Variants in SLC4A8 observed in about 807,000 individuals in gnomAD.
The protein encoded by SLC4A8 is solute carrier family 4 member 8, also known as electroneutral sodium bicarbonate exchanger 1.
In SLC4A8, 40 loss-of-function variants were observed where a neutral mutation model predicts 125.0. The ratio of observed to expected loss-of-function variants is 0.32; its 90% CI spans 0.25 to 0.42. The LOEUF is 0.42. Ranked by LOEUF, SLC4A8 falls within the 10% of genes least tolerant of loss-of-function variation. SLC4A8 has a pLI of 1.00. For missense variants in SLC4A8, 863 were observed against 1,355.1 expected, an observed-to-expected ratio of 0.64 and a Z score of 5.70; for synonymous variants, 456 against 476.0, an observed-to-expected ratio of 0.96 and a Z score of 0.55.
intron 2 of SLC4A8, among the ~76,000 whole-genome samples, chr12:51,442,347 T>C (rs1397735548): frequency 6.6e-6 from 1 of 152,246 alleles, no homozygotes; most frequent in African/African-American, 2.4e-5. Flanking sequence ...GGCATGTTGC[T>C]GTCAGTTTAG....
intron 22 of SLC4A8, among the ~76,000 whole-genome samples, chr12:51,500,514 T>C (rs1047036714): frequency 6.6e-6 from 1 of 152,158 alleles, no homozygotes; most frequent in African/African-American, 2.4e-5. Flanking sequence ...TTCATGTTTC[T>C]ATTTGTATCA....
rs1322375363 is a variant in SLC4A8 at position 51,510,620 on chromosome 12, T to C, written c.*3182T>C. On this transcript the variant is annotated 3_prime_UTR_variant, in exon 25 of 25. Transcript: ENST00000453097. ...CCGTCTGTAAGATGCAAGATCAATC[T>C]AGTGTTTCAGCCAGTTCACTACTGA... The C allele has an allele frequency of 1.3e-5, 2 of 152,188 alleles. No homozygotes were observed. Among genetic ancestry groups the C allele is most frequent in the Non-Finnish European group, 2.9e-5 (2 of 68,036 alleles). The allele number at this position is 152,188 out of a possible 1,614,324, so 9.4% of individuals were successfully genotyped here. A position where few individuals can be genotyped will look rare whatever the true frequency, so the allele number is the denominator to read the frequency against.
intron 2 of SLC4A8, among the ~76,000 whole-genome samples, chr12:51,447,233 C>G (rs1308728307): frequency 6.6e-6 from 1 of 152,144 alleles, no homozygotes; most frequent in Non-Finnish European, 1.5e-5. Flanking sequence ...TAGGTGCACA[C>G]CACCACACCT....
chr12:51,503,926 TA>T, intron 22 of SLC4A8, 102 bp from the exon 23 acceptor site: 1 of 663,634 alleles, frequency 1.5e-6, no homozygotes. Context: ...TTCTTTATAA[TA>T]AATGCACAAT....
chr12:51,446,150 C>T (rs770778837), intron 2 of SLC4A8, among the ~76,000 whole-genome samples: 22 of 152,170 alleles, frequency 1.4e-4, no homozygotes, highest in Non-Finnish European at 2.8e-4. Context: ...CAGATGACCT[C>T]CTCTGGCTCT....
At chr12:51,397,861 G>A (rs555984609) in intron 1 of SLC4A8, among the ~76,000 whole-genome samples, 1 of 152,194 alleles carries the variant, frequency 6.6e-6, no homozygotes, top group Non-Finnish European at 1.5e-5. Context: ...GTGTCCAGGA[G>A]TTTGAGACCA....
Position 51,511,554 on chromosome 12 carries a change from T to C in SLC4A8, c.*4116T>C, listed in dbSNP as rs1938367704. On this transcript the variant is annotated 3_prime_UTR_variant, in exon 25 of 25. Transcript: ENST00000453097. ...ACAGGTGCGCACCACCATGCCCAGC[T>C]AATTTTTGTATTTTAGTAGAGACGA... The C allele has an allele frequency of 1.3e-5, 2 of 152,222 alleles. No individual in the cohort carries two copies. The highest frequency in any genetic ancestry group is 4.8e-5 in the African/African-American group (2 of 41,436). The allele number at this position is 152,222 out of a possible 1,614,324, so 9.4% of individuals were successfully genotyped here.
At chr12:51,433,690 G>A (rs1475907661) in intron 1 of SLC4A8, among the ~76,000 whole-genome samples, 1 of 152,148 alleles carries the variant, frequency 6.6e-6, no homozygotes, top group East Asian at 1.9e-4. Flanking sequence ...ACAGGCCAAA[G>A]AGACCTGATG....
At chr12:51,439,457 C>G (rs1289285383) in intron 1 of SLC4A8, among the ~76,000 whole-genome samples, 1 of 151,872 alleles carries the variant, frequency 6.6e-6, no homozygotes, top group Non-Finnish European at 1.5e-5. Flanking sequence ...GGAAAGGCTT[C>G]CAAGTAAGTG....
upstream of SLC4A8, among the ~76,000 whole-genome samples, chr12:51,420,925 A>T (rs1303525325): frequency 1.3e-5 from 2 of 152,148 alleles, no homozygotes; most frequent in Non-Finnish European, 2.9e-5. Context: ...TTTCTAATCT[A>T]TACAATGGGA....
At chr12:51,453,973 A>G (rs1421318430) in intron 5 of SLC4A8, among the ~76,000 whole-genome samples, 1 of 152,170 alleles carries the variant, frequency 6.6e-6, no homozygotes, top group Non-Finnish European at 1.5e-5. Flanking sequence ...TATCTGCTAT[A>G]TACTTGATAA....
At chr12:51,474,133 C>G (rs1950793275) in intron 14 of SLC4A8, among the ~76,000 whole-genome samples, 1 of 152,156 alleles carries the variant, frequency 6.6e-6, no homozygotes. Flanking sequence ...ATCCAAGACC[C>G]ATGGGCTGAT....
At chr12:51,416,810 G>A (rs897907413) in intron 1 of SLC4A8, among the ~76,000 whole-genome samples, 2 of 152,042 alleles carry the variant, frequency 1.3e-5, no homozygotes, top group Non-Finnish European at 2.9e-5. Context: ...AGACATCATG[G>A]TACTCTACCT....
chr12:51,426,294 T>G (rs1250964322), intron 1 of SLC4A8, among the ~76,000 whole-genome samples: 2 of 152,290 alleles, frequency 1.3e-5, no homozygotes, highest in South Asian at 2.1e-4. Flanking sequence ...AAAATGCATA[T>G]CTAACCCCCT....
intron 16 of SLC4A8, among the ~76,000 whole-genome samples, chr12:51,476,981 C>T (rs1029456581): frequency 6.7e-6 from 1 of 148,496 alleles, no homozygotes; most frequent in Admixed American, 6.8e-5. Context: ...AATCTTGGCT[C>T]ACCACAACCT....
At chr12:51,489,143 G>A (rs1196871726) in intron 18 of SLC4A8, among the ~76,000 whole-genome samples, 1 of 152,246 alleles carries the variant, frequency 6.6e-6, no homozygotes, top group Non-Finnish European at 1.5e-5. Context: ...TTTGGGTCAA[G>A]CAACTGTACA....
chr12:51,425,213 C>G, intron 1 of SLC4A8, 178 bp downstream of exon 1: 3 of 1,403,460 alleles, frequency 2.1e-6, no homozygotes, highest in Non-Finnish European at 2.8e-6. Context: ...CAGGCCAGGG[C>G]TGCGAGAGAG....
intron 1 of SLC4A8, among the ~76,000 whole-genome samples, chr12:51,407,427 A>T (rs983235607): frequency 9.3e-5 from 14 of 150,088 alleles, no homozygotes; most frequent in African/African-American, 3.5e-4. Context: ...GGCTAATTAT[A>T]AAAAAAATTT....
intron 2 of SLC4A8, among the ~76,000 whole-genome samples, chr12:51,449,888 G>C (rs1199669493): frequency 5.9e-5 from 9 of 152,174 alleles, no homozygotes; most frequent in Admixed American, 4.6e-4. Flanking sequence ...AATTAGCTGG[G>C]TGTGGTGGTG....
Sources: gnomAD v4.1 joint callset for allele counts (sites outside exome capture counted in the v4.1 genomes callset) on GRCh38, gnomAD v4.1.1 for gene constraint, MANE v1.5 for transcripts, NCBI Gene and HGNC (gene_info 2026-07-23, HGNC 2026-07-21) for gene names.